The following LRRC4C variants were observed in gnomAD, a reference collection of about 807,000 sequenced individuals.
LRRC4C encodes the protein leucine rich repeat containing 4C.
Under a neutral mutation model 33.6 loss-of-function variants are expected in LRRC4C, and 5 were observed. That is an observed-to-expected ratio of 0.15 (90% CI 0.08 to 0.31). The LOEUF (loss-of-function observed/expected upper bound fraction) is 0.31, where lower values mean the gene tolerates loss of function less well. Ranked by LOEUF, LRRC4C falls within the 10% of genes least tolerant of loss-of-function variation. LRRC4C has a pLI of 1.00. For missense variants in LRRC4C, 560 were observed against 796.7 expected, an observed-to-expected ratio of 0.70 and a Z score of 3.58; for synonymous variants, 329 against 302.0, an observed-to-expected ratio of 1.09 and a Z score of -0.93.
intron 2 of LRRC4C, among the ~76,000 whole-genome samples, chr11:40,837,723 G>T (rs1402556361): frequency 6.6e-6 from 1 of 150,946 alleles, no homozygotes; most frequent in Non-Finnish European, 1.5e-5. Flanking sequence ...GGTGGTATGT[G>T]CCTGTGGTCC....
intron 1 of LRRC4C, among the ~76,000 whole-genome samples, chr11:41,235,881 G>A (rs1401343163): frequency 6.6e-6 from 1 of 152,096 alleles, no homozygotes; most frequent in African/African-American, 2.4e-5. Flanking sequence ...TGAATGAAAG[G>A]GTAATGAGGT....
At chr11:41,196,282 G>T (rs577949449) in intron 1 of LRRC4C, among the ~76,000 whole-genome samples, 1 of 152,178 alleles carries the variant, frequency 6.6e-6, no homozygotes, top group South Asian at 2.1e-4. Context: ...GCGTAGGAAA[G>T]AAACAGCATT....
At chr11:40,713,376 C>G (rs558811873) in intron 2 of LRRC4C, among the ~76,000 whole-genome samples, 6 of 152,260 alleles carry the variant, frequency 3.9e-5, no homozygotes, top group Admixed American at 6.5e-5. Context: ...CCTAATACTT[C>G]TATCTGGGGA....
At chr11:40,505,721 T>G (rs374253596) in intron 3 of LRRC4C, among the ~76,000 whole-genome samples, 30 of 152,292 alleles carry the variant, frequency 2.0e-4, no homozygotes, top group African/African-American at 7.2e-4. Context: ...TGACACTTGC[T>G]TTACTAGGTT....
intron 1 of LRRC4C, among the ~76,000 whole-genome samples, chr11:41,333,980 T>C (rs1339650695): frequency 1.3e-5 from 2 of 152,212 alleles, no homozygotes; most frequent in Non-Finnish European, 2.9e-5. Flanking sequence ...GGTTGTTTTC[T>C]AGAAAATTTC....
intron 5 of LRRC4C, among the ~76,000 whole-genome samples, chr11:40,158,968 T>A (rs1858934917): frequency 6.6e-6 from 1 of 152,168 alleles, no homozygotes; most frequent in Non-Finnish European, 1.5e-5. Flanking sequence ...TTTTTTCTTA[T>A]CTTAAAATAA....
At chr11:40,844,387 T>C (rs1953061064) in intron 2 of LRRC4C, among the ~76,000 whole-genome samples, 1 of 152,192 alleles carries the variant, frequency 6.6e-6, no homozygotes, top group South Asian at 2.1e-4. Context: ...CTAATTTGGC[T>C]AGTAAGTCAA....
At chr11:41,121,484 C>T (rs1942427845) in intron 1 of LRRC4C, among the ~76,000 whole-genome samples, 1 of 151,994 alleles carries the variant, frequency 6.6e-6, no homozygotes, top group African/African-American at 2.4e-5. Context: ...AAATTATTTC[C>T]AACGCCTTCC....
intron 1 of LRRC4C, among the ~76,000 whole-genome samples, chr11:41,028,524 T>C (rs1262370833): frequency 1.3e-5 from 2 of 151,468 alleles, no homozygotes; most frequent in East Asian, 2.0e-4. Flanking sequence ...TTCTACACAA[T>C]GTTATCACTT....
chr11:40,123,345 C>T (rs1256484129), intron 6 of LRRC4C, among the ~76,000 whole-genome samples: 1 of 151,924 alleles, frequency 6.6e-6, no homozygotes, highest in Non-Finnish European at 1.5e-5. Context: ...ATTTGGAAAA[C>T]CCTAAGGACT....
rs538402220 is a variant in LRRC4C, at chr11:40,365,947, T to A, written c.-269-46226A>T. ...GTCGTGCACACACTACAAAATTCAG[T>A]TCAGTTCAACAAATATTTATTGAAT... On this transcript the variant is annotated intron_variant, in intron 3 of 6. Coordinates refer to ENST00000528697, the MANE Select transcript of LRRC4C (RefSeq NM_001258419.2). Among the ~76,000 whole-genome samples, 317 of 152,146 alleles carry A rather than the reference T, an allele frequency of 2.1e-3. 1 individual carries two copies. The highest frequency in any genetic ancestry group is 3.5e-3 in the Non-Finnish European group (239 of 67,930).
At chr11:41,066,611 A>C (rs1045181780) in intron 1 of LRRC4C, among the ~76,000 whole-genome samples, 1 of 152,144 alleles carries the variant, frequency 6.6e-6, no homozygotes, top group African/African-American at 2.4e-5. Context: ...ACACATAATC[A>C]TCAGATTCTT....
intron 1 of LRRC4C, among the ~76,000 whole-genome samples, chr11:41,057,809 G>A (rs1306820450): frequency 1.3e-5 from 2 of 152,330 alleles, no homozygotes; most frequent in Non-Finnish European, 2.9e-5. Context: ...ACCAGCTGCA[G>A]AAAGGAGCTA....
chr11:40,423,356 T>G (rs1339836363), intron 3 of LRRC4C, among the ~76,000 whole-genome samples: 1 of 145,618 alleles, frequency 6.9e-6, no homozygotes, highest in South Asian at 2.2e-4. Context: ...TTTTTTTTTT[T>G]TTTTTTGAGA....
chr11:41,200,413 A>C (rs958224470), intron 1 of LRRC4C, among the ~76,000 whole-genome samples: 1 of 152,156 alleles, frequency 6.6e-6, no homozygotes, highest in African/African-American at 2.4e-5. Flanking sequence ...GCACCTGACT[A>C]CAATTTTATC....
chr11:40,834,501 A>T (rs1263798792), intron 2 of LRRC4C, among the ~76,000 whole-genome samples: 1 of 151,948 alleles, frequency 6.6e-6, no homozygotes, highest in Admixed American at 6.6e-5. Flanking sequence ...CGTATTTTAT[A>T]TCTCTTGAAA....
intron 1 of LRRC4C, among the ~76,000 whole-genome samples, chr11:41,307,612 T>C (rs1481438836): frequency 1.3e-5 from 2 of 152,064 alleles, no homozygotes; most frequent in Non-Finnish European, 2.9e-5. Context: ...GACAGTGCAG[T>C]TTGCTCTGTG....
At chr11:40,126,971 AT>A (rs1383330970) in intron 6 of LRRC4C, among the ~76,000 whole-genome samples, 2 of 151,584 alleles carry the variant, frequency 1.3e-5, no homozygotes, top group Admixed American at 6.6e-5. Context: ...AAAAAAAAAA[AT>A]AAATAAAAAG....
chr11:40,177,455 G>C (rs1408305627), intron 5 of LRRC4C, among the ~76,000 whole-genome samples: 1 of 151,808 alleles, frequency 6.6e-6, no homozygotes, highest in African/African-American at 2.4e-5. Flanking sequence ...TTTATCTTTA[G>C]CTCCGACTTC....
Sources: allele counts gnomAD v4.1 joint callset (sites outside exome capture counted in the v4.1 genomes callset), GRCh38; gene constraint gnomAD v4.1.1; transcripts MANE v1.5; gene names NCBI Gene and HGNC (gene_info 2026-07-23, HGNC 2026-07-21).